Variants in STMN3 observed in about 807,000 individuals in gnomAD.
STMN3 encodes stathmin-3.
Under a neutral mutation model 23.2 loss-of-function variants are expected in STMN3, and 24 were observed. The observed-to-expected ratio is 1.03, with a 90% CI of 0.75 to 1.45. The LOEUF is 1.45. Ranked by LOEUF, STMN3 falls within the 40% of genes most tolerant of loss-of-function variation. The pLI is 0.00. For missense variants in STMN3, 235 were observed against 237.6 expected, an observed-to-expected ratio of 0.99 and a Z score of 0.07; for synonymous variants, 117 against 103.4, an observed-to-expected ratio of 1.13 and a Z score of -0.80.
At position 63,646,328 on chromosome 20, in the gene STMN3, C is replaced by T. The variant is rs543089897; in HGVS notation, c.20-2019G>A. ...AGGGGGACCAGGTGGGGGAGCCTCA[C>T]AGGGGACTTTGGTCTGACTTGTCAA... is the stretch of plus-strand genomic sequence containing the variant. On this transcript the variant is annotated intron_variant, in intron 1 of 4. Coordinates refer to ENST00000370053, the MANE Select transcript of STMN3 (RefSeq NM_015894.4). 3.3e-5 allele frequency among the ~76,000 whole-genome samples: 5 copies of T among 152,142 alleles called. No homozygotes were observed. In the East Asian group the frequency reaches 9.7e-4, roughly 29 times the overall value.
At chr20:63,641,653 C>G (rs1184984547) in intron 4 of STMN3, among the ~76,000 whole-genome samples, 1 of 152,208 alleles carries the variant, frequency 6.6e-6, no homozygotes, top group Non-Finnish European at 1.5e-5. Context: ...TCCTTCAGGG[C>G]ACTTTCAATA....
At chr20:63,650,065 T>A (rs1000720345) in intron 1 of STMN3, among the ~76,000 whole-genome samples, 5 of 151,902 alleles carry the variant, frequency 3.3e-5, no homozygotes, top group African/African-American at 2.4e-5. Flanking sequence ...TGACCTCCGG[T>A]GATCTGCCCA....
Position 63,643,808 on chromosome 20 carries a change from G to T in STMN3, c.239C>A (p.Thr80Asn). 1 of 1,561,948 alleles carries T rather than the reference G, an allele frequency of 6.4e-7. No homozygotes were observed. Among genetic ancestry groups the T allele is most frequent in the East Asian group, 2.4e-5 (1 of 42,182 alleles). The change falls in exon 3 of 5, where the codon ACC becomes AAC. Residue 80 changes from threonine to asparagine, a missense_variant. Thr to Asn is a moderately conservative substitution (Grantham distance 65, BLOSUM62 0). Coordinates refer to ENST00000370053, the MANE Select transcript of STMN3 (RefSeq NM_015894.4). ...CCGCTTTTGCAGCTCCTCCAGGGAG[G>T]TGTCCTTCTTCTTGGGTGGGGAGGA... Reference protein sequence around the residue: ...MLSSPPKKKDTSLEELQKRLE... With the variant: ...MLSSPPKKKDNSLEELQKRLE...
chr20:63,653,100 C>A (rs1317491896), intron 1 of STMN3, among the ~76,000 whole-genome samples: 2 of 151,454 alleles, frequency 1.3e-5, no homozygotes, highest in Non-Finnish European at 2.9e-5. Context: ...CCCCGCCCGA[C>A]GTCCCGGTCC....
At chr20:63,648,735 C>T (rs946780813) in intron 1 of STMN3, among the ~76,000 whole-genome samples, 1 of 151,856 alleles carries the variant, frequency 6.6e-6, no homozygotes, top group Non-Finnish European at 1.5e-5. Flanking sequence ...GACTCTGTCT[C>T]AAAAAACAAA....
At position 63,640,368 on chromosome 20, in the gene STMN3, G is replaced by A. The variant is rs1257379544; in HGVS notation, c.*970C>T. ...GGGTGCCAAGTGGGAAGGGTGTTGG[G>A]GCTGGCTTGGGAACCTTACCCGCTG... On this transcript the variant is annotated 3_prime_UTR_variant, in exon 5 of 5. Coordinates refer to ENST00000370053, the MANE Select transcript of STMN3 (RefSeq NM_015894.4). The A allele has an allele frequency of 2.0e-5, 3 of 152,330 alleles. No homozygotes were observed. The Admixed American group carries it at 2.0e-4, about 10-fold the overall frequency. The allele number at this position is 152,330 out of a possible 1,614,324, so 9.4% of individuals were successfully genotyped here. A position where few individuals can be genotyped will look rare whatever the true frequency, so the allele number is the denominator to read the frequency against.
At chr20:63,646,479 C>T (rs917707059) in intron 1 of STMN3, among the ~76,000 whole-genome samples, 1 of 151,966 alleles carries the variant, frequency 6.6e-6, no homozygotes, top group African/African-American at 2.4e-5. Flanking sequence ...CTCAGCCTCC[C>T]GAGTAGCTGG....
At chr20:63,647,948 GTATATATATA>G (rs761022872) in intron 1 of STMN3, among the ~76,000 whole-genome samples, 1,663 of 63,802 alleles carry the variant, frequency 0.026, 227 homozygotes, top group South Asian at 0.054. Flanking sequence ...GTGTGTGTGT[GTATATATATA>G]TGTATATATA....
At chr20:63,646,840 G>A (rs1013440188) in intron 1 of STMN3, among the ~76,000 whole-genome samples, 26 of 150,318 alleles carry the variant, frequency 1.7e-4, no homozygotes, top group African/African-American at 4.9e-5. Context: ...CTGCAATTCC[G>A]CCTCCTGGGT....
chr20:63,651,950 C>T (rs900951337), intron 1 of STMN3, among the ~76,000 whole-genome samples: 4 of 152,074 alleles, frequency 2.6e-5, no homozygotes, highest in African/African-American at 4.8e-5. Flanking sequence ...GGGCAGGAGG[C>T]GGCCCTGGAG....
chr20:63,641,311 A>G lies in STMN3; in HGVS notation c.*27T>C. ...CCAAAACCCGAACGTGTTCTGTCGC[A>G]GGATGGGCGCCGCCCGTCCCGGGCC... On this transcript the variant is annotated 3_prime_UTR_variant, in exon 5 of 5. Transcript: ENST00000370053. The G allele has an allele frequency of 6.4e-7, 1 of 1,556,416 alleles. No individual in the cohort carries two copies. The highest frequency in any genetic ancestry group is 8.7e-7 in the Non-Finnish European group (1 of 1,150,456).
intron 3 of STMN3, 36 bp from the exon 4 acceptor site, chr20:63,642,335 C>A: frequency 7.3e-7 from 1 of 1,378,500 alleles, no homozygotes; most frequent in Non-Finnish European, 9.4e-7. Flanking sequence ...GAGCGGCAAC[C>A]CCGGGCCCTG....
In STMN3 at chr20:63,643,929, T is replaced by C; in HGVS notation, c.118A>G (p.Met40Val). ...CGCTTGTCCAGCTGCTTCACCTCCA[T>C]GTCTGCAGGGCAAGACCAGAGTAGA... ...HPNTVYQYGD[M>V]EVKQLDKRAS... The change falls in exon 3 of 5, where the codon ATG becomes GTG. Residue 40 changes from methionine (M) to valine (V), a missense_variant and splice_region_variant. Coordinates refer to ENST00000370053, the MANE Select transcript of STMN3 (RefSeq NM_015894.4). 1 of 1,596,222 alleles carries C rather than the reference T, an allele frequency of 6.3e-7. No individual in the cohort carries two copies. Among genetic ancestry groups the C allele is most frequent in the Non-Finnish European group, 8.5e-7 (1 of 1,175,558 alleles).
In STMN3 at chr20:63,647,946, G is replaced by GTA. The variant is rs1569070224; in HGVS notation, c.20-3638_20-3637insTA. On this transcript the variant is annotated intron_variant, in intron 1 of 4. Coordinates refer to ENST00000370053, the MANE Select transcript of STMN3 (RefSeq NM_015894.4). Reference sequence around the variant, plus strand: ...TATATATACGTATATATGTGTGTGTGTGTATATATATATGTATATATATAT... The same window carrying GTA: ...TATATATACGTATATATGTGTGTGTGTATGTATATATATATGTATATATATAT... Among the ~76,000 whole-genome samples the GTA allele has an allele frequency of 5.6e-4, 47 of 83,230 alleles. 1 individual carries two copies. Among genetic ancestry groups the GTA allele is most frequent in the African/African-American group, 2.3e-3 (46 of 19,996 alleles). The allele number at this position is 83,230 out of a possible 152,430, so 54.6% of individuals were successfully genotyped here.
chr20:63,647,919 A>T (rs1317661877), intron 1 of STMN3, among the ~76,000 whole-genome samples: 1 of 87,670 alleles, frequency 1.1e-5, no homozygotes, highest in East Asian at 2.2e-4. Flanking sequence ...TGTATATATT[A>T]ATATATATAC....
chr20:63,646,604 C>T (rs1312200819), intron 1 of STMN3, among the ~76,000 whole-genome samples: 3 of 151,866 alleles, frequency 2.0e-5, no homozygotes, highest in Non-Finnish European at 4.4e-5. Flanking sequence ...CCGCCCGCCT[C>T]GACCTCCCAA....
At position 63,652,693 on chromosome 20, in the gene STMN3, AGGGCAGTGGCTTTTCT is replaced by A; in HGVS notation, c.19+618_19+633del. 1 of 985,786 alleles carries A rather than the reference AGGGCAGTGGCTTTTCT, an allele frequency of 1.0e-6. No individual in the cohort carries two copies. The highest frequency in any genetic ancestry group is 1.2e-6 in the Non-Finnish European group (1 of 830,260). 61.1% of individuals were successfully genotyped at this position (985,786 alleles called of 1,614,324 possible). ...CCCCCATCCAGACCCCGCGGCGCAA[AGGGCAGTGGCTTTTCT>A]GGCCAGAGCAGGTGGCGCGGGCGTC... On this transcript the variant is annotated intron_variant, in intron 1 of 4. Coordinates refer to ENST00000370053, the MANE Select transcript of STMN3 (RefSeq NM_015894.4). The surrounding 1 kb of genome is among the most constrained non-coding windows in gnomAD (Gnocchi z 5.3).
chr20:63,647,964 A>ATG (rs2089829881), intron 1 of STMN3, among the ~76,000 whole-genome samples: 3 of 79,342 alleles, frequency 3.8e-5, no homozygotes, highest in African/African-American at 1.1e-4. Context: ...ATATATGTAT[A>ATG]TATATATATA....
chr20:63,647,969 TATATATATATAC>T lies in STMN3; in HGVS notation c.20-3672_20-3661del, dbSNP rs1191769641. 2.1e-4 allele frequency among the ~76,000 whole-genome samples: 18 copies of T among 86,036 alleles called. 1 individual carries two copies. The South Asian group carries it at 3.4e-3, about 16-fold the overall frequency. 56.4% of individuals were successfully genotyped at this position (86,036 alleles called of 152,430 possible). ...GTGTGTATATATATATGTATATATATATATATATATACATATATATATACAGAGAGAGAGAGA... is the reference window on the plus strand; with the variant it reads ...GTGTGTATATATATATGTATATATATATATATATATACAGAGAGAGAGAGA... On this transcript the variant is annotated intron_variant, in intron 1 of 4. Transcript: ENST00000370053.
Sources: gnomAD v4.1 joint callset for allele counts (sites outside exome capture counted in the v4.1 genomes callset) on GRCh38, gnomAD v4.1.1 for gene constraint, Gnocchi (gnomAD v3.1) non-coding constraint, MANE v1.5 for transcripts, NCBI Gene and HGNC (gene_info 2026-07-23, HGNC 2026-07-21) for gene names.